GRM7: variants seen among roughly 807,000 people sequenced by gnomAD.
GRM7 encodes the protein glutamate metabotropic receptor 7.
In GRM7, 35 loss-of-function variants were observed where a neutral mutation model predicts 84.5. The observed-to-expected ratio is 0.41, with a 90% CI of 0.32 to 0.55. The LOEUF is 0.55. Ranked by LOEUF, GRM7 falls within the 20% of genes least tolerant of loss-of-function variation. The pLI is 0.19. For missense variants in GRM7, 1,003 were observed against 1,194.6 expected, an observed-to-expected ratio of 0.84 and a Z score of 2.36; for synonymous variants, 487 against 455.1, an observed-to-expected ratio of 1.07 and a Z score of -0.89.
chr3:7,340,642 C>T (rs940920150), intron 4 of GRM7, among the ~76,000 whole-genome samples: 2 of 152,116 alleles, frequency 1.3e-5, no homozygotes, highest in Admixed American at 6.6e-5. Flanking sequence ...ATCCAGTCTT[C>T]GTTAGAAAGA....
intron 2 of GRM7, among the ~76,000 whole-genome samples, chr3:7,290,784 G>A (rs1699592910): frequency 6.6e-6 from 1 of 152,022 alleles, no homozygotes. Context: ...AAAACTTCTG[G>A]GGGTGTTCAT....
intron 8 of GRM7, among the ~76,000 whole-genome samples, chr3:7,654,671 A>G (rs1417751050): frequency 6.6e-6 from 1 of 152,200 alleles, no homozygotes; most frequent in Non-Finnish European, 1.5e-5. Context: ...CTATGGGTCT[A>G]TCTGAAAAAA....
chr3:7,629,386 G>T (rs1453528591), intron 8 of GRM7, among the ~76,000 whole-genome samples: 1 of 152,124 alleles, frequency 6.6e-6, no homozygotes, highest in Non-Finnish European at 1.5e-5. Flanking sequence ...CAGCAGGGTT[G>T]GTTTCTGGTG....
chr3:7,501,059 A>G (rs1366695573), intron 7 of GRM7, among the ~76,000 whole-genome samples: 1 of 152,218 alleles, frequency 6.6e-6, no homozygotes, highest in Non-Finnish European at 1.5e-5. Flanking sequence ...GTAAAAAGAT[A>G]ACTAATGTAA....
intron 1 of GRM7, among the ~76,000 whole-genome samples, chr3:7,082,946 A>T (rs922847273): frequency 2.0e-5 from 3 of 152,176 alleles, no homozygotes; most frequent in Non-Finnish European, 4.4e-5. Flanking sequence ...TGGATGAGCA[A>T]AGAAAGTGAC....
At chr3:7,424,828 G>A (rs1696538637) in intron 5 of GRM7, among the ~76,000 whole-genome samples, 1 of 152,150 alleles carries the variant, frequency 6.6e-6, no homozygotes, top group Non-Finnish European at 1.5e-5. Flanking sequence ...GATTAGTGCT[G>A]TGAAAGAAAC....
chr3:7,282,451 T>C (rs1699286729), intron 2 of GRM7, among the ~76,000 whole-genome samples: 1 of 152,230 alleles, frequency 6.6e-6, no homozygotes, highest in African/African-American at 2.4e-5. Context: ...TCTGTCTCTC[T>C]GATTCTGACC....
intron 7 of GRM7, among the ~76,000 whole-genome samples, chr3:7,491,827 A>G (rs113127636): frequency 2.0e-5 from 3 of 152,358 alleles, no homozygotes; most frequent in African/African-American, 7.2e-5. Context: ...CATGGTGAGT[A>G]TATAATAAAT....
At chr3:7,649,195 G>A (rs369240647) in intron 8 of GRM7, among the ~76,000 whole-genome samples, 7 of 151,518 alleles carry the variant, frequency 4.6e-5, no homozygotes, top group African/African-American at 7.3e-5. Context: ...TCAGCCTCCC[G>A]AGTAGCTGGG....
chr3:7,552,319 G>GTGT (rs1460467944), intron 7 of GRM7, among the ~76,000 whole-genome samples: 1 of 152,186 alleles, frequency 6.6e-6, no homozygotes, highest in East Asian at 1.9e-4. Context: ...TCATCGGCTG[G>GTGT]TGTTGAGTGT....
At chr3:7,463,113 A>G (rs1698316990) in intron 7 of GRM7, among the ~76,000 whole-genome samples, 1 of 101,620 alleles carries the variant, frequency 9.8e-6, no homozygotes, top group Admixed American at 9.0e-5. Context: ...TCAGCCTCAA[A>G]TAAAGGTAAG....
chr3:6,922,393 GATTAAA>G (rs1414770682), intron 1 of GRM7, among the ~76,000 whole-genome samples: 15 of 152,284 alleles, frequency 9.9e-5, no homozygotes, highest in Middle Eastern at 3.4e-3. Flanking sequence ...TGCTTCAATT[GATTAAA>G]ATGGCCTAGC....
intron 4 of GRM7, among the ~76,000 whole-genome samples, chr3:7,413,550 G>A (rs1575300536): frequency 6.6e-6 from 1 of 152,154 alleles, no homozygotes; most frequent in South Asian, 2.1e-4. Context: ...TGTCTGAGAG[G>A]AGCTCCATTT....
chr3:7,520,302 A>G (rs1700547128), intron 7 of GRM7: 1 of 152,186 alleles, frequency 6.6e-6, no homozygotes, highest in Admixed American at 6.5e-5. Context: ...GCAGGAAGAT[A>G]AGAAAAAGGC....
At position 7,155,972 on chromosome 3, in the gene GRM7, G is replaced by A. The variant is rs535182767; in HGVS notation, c.736+9304G>A. 7.9e-5 allele frequency among the ~76,000 whole-genome samples: 12 copies of A among 152,230 alleles called. No individual in the cohort carries two copies. The East Asian group carries it at 2.1e-3, about 27-fold the overall frequency. On this transcript the variant is annotated intron_variant, in intron 2 of 9. Coordinates refer to ENST00000357716, the MANE Select transcript of GRM7 (RefSeq NM_000844.4). ...TTAAACCACATTGTCCATAATCACT[G>A]GACAGTATTATTCCATTGCATTAAT...
intron 1 of GRM7, among the ~76,000 whole-genome samples, chr3:7,088,306 T>G (rs1449840245): frequency 3.9e-5 from 6 of 152,068 alleles, no homozygotes; most frequent in Admixed American, 3.9e-4. Context: ...TGAAACTGAT[T>G]GTAAAAAGGG....
intron 1 of GRM7, among the ~76,000 whole-genome samples, chr3:6,949,685 A>G (rs1692639092): frequency 6.6e-6 from 1 of 152,072 alleles, no homozygotes. Flanking sequence ...TGTCACTTTC[A>G]GGTACACCAA....
chr3:7,231,162 C>G (rs944541286), intron 2 of GRM7, among the ~76,000 whole-genome samples: 3 of 152,130 alleles, frequency 2.0e-5, no homozygotes, highest in Non-Finnish European at 4.4e-5. Context: ...TTGGAAGGCT[C>G]TGGGAGTGAG....
chr3:7,653,232 T>C (rs1699037398), intron 8 of GRM7, among the ~76,000 whole-genome samples: 1 of 139,662 alleles, frequency 7.2e-6, no homozygotes, highest in Non-Finnish European at 1.5e-5. Flanking sequence ...CCTCTTACTC[T>C]ACCTAACTGT....
Sources: gnomAD v4.1 joint callset for allele counts (sites outside exome capture counted in the v4.1 genomes callset) on GRCh38, gnomAD v4.1.1 for gene constraint, MANE v1.5 for transcripts, NCBI Gene and HGNC (gene_info 2026-07-23, HGNC 2026-07-21) for gene names.